The following CALCRL variants were observed in gnomAD, a reference collection of about 807,000 sequenced individuals.
The protein encoded by CALCRL is calcitonin receptor like receptor.
In CALCRL, 27 loss-of-function variants were observed where a neutral mutation model predicts 60.4. The observed-to-expected ratio is 0.45, with a 90% CI of 0.33 to 0.62. CALCRL has a LOEUF of 0.62. Ranked by LOEUF, CALCRL falls within the 20% of genes least tolerant of loss-of-function variation. The pLI, the probability that CALCRL is intolerant of heterozygous loss-of-function variation, is 0.03. For synonymous variants in CALCRL, 190 were observed against 182.6 expected (o/e 1.04, Z -0.33); for missense variants, 424 against 540.7 (o/e 0.78, Z 2.14).
chr2:187,429,223 C>T (rs75893321), intron 1 of CALCRL, among the ~76,000 whole-genome samples: 1 of 151,266 alleles, frequency 6.6e-6, no homozygotes, highest in African/African-American at 2.4e-5. Context: ...AAGTTTTGGT[C>T]AGCTGTATGA....
At chr2:187,432,667 AAC>A (rs1052506166) in intron 1 of CALCRL, among the ~76,000 whole-genome samples, 1 of 152,110 alleles carries the variant, frequency 6.6e-6, no homozygotes, top group African/African-American at 2.4e-5. Context: ...AAAATTAACT[AAC>A]ACATTTTATA....
chr2:187,439,207 G>A (rs1306800280), intron 1 of CALCRL, among the ~76,000 whole-genome samples: 2 of 152,128 alleles, frequency 1.3e-5, no homozygotes, highest in Non-Finnish European at 2.9e-5. Flanking sequence ...GCAAGGTTGG[G>A]TGCAGTGGCT....
rs1686120849 is a variant in CALCRL at position 187,342,322 on chromosome 2, T to A, written c.*3862A>T. Among the ~76,000 whole-genome samples the A allele has an allele frequency of 6.6e-6, 1 of 151,740 alleles. No individual in the cohort carries two copies. Among genetic ancestry groups the A allele is most frequent in the South Asian group, 2.1e-4 (1 of 4,832 alleles). ...CATAAAAATGTAATGAAATTGGTGATGGTAGCGTGTCTCTATGGATGTATT... is the reference window on the plus strand; with the variant it reads ...CATAAAAATGTAATGAAATTGGTGAAGGTAGCGTGTCTCTATGGATGTATT... On this transcript the variant is annotated 3_prime_UTR_variant, in exon 15 of 15. Coordinates refer to ENST00000392370, the MANE Select transcript of CALCRL (RefSeq NM_005795.6).
At chr2:187,351,822 T>C (rs1686545668) in intron 14 of CALCRL, 98 bp downstream of exon 14, 2 of 756,300 alleles carry the variant, frequency 2.6e-6, no homozygotes, top group South Asian at 1.9e-5. Context: ...AACATGGTTG[T>C]TCCTGGGGAA....
intron 1 of CALCRL, among the ~76,000 whole-genome samples, chr2:187,420,967 G>A (rs927407737): frequency 6.6e-5 from 10 of 152,118 alleles, no homozygotes; most frequent in Non-Finnish European, 1.2e-4. Context: ...TTATATCATG[G>A]CTGATTTACA....
Position 187,380,793 on chromosome 2 carries a change from T to C in CALCRL, c.185-6A>G. On this transcript the variant is annotated splice_region_variant and splice_polypyrimidine_tract_variant and intron_variant, in intron 5 of 14. Transcript: ENST00000392370. ...GGTTCTGTTGCAGTAAACGCCTTAG[T>C]GGGGAAATAATAATTGGGGATAATT... 6.2e-7 allele frequency: 1 copy of C among 1,605,020 alleles called. No homozygotes were observed. Among genetic ancestry groups the C allele is most frequent in the Non-Finnish European group, 8.5e-7 (1 of 1,172,178 alleles).
intron 1 of CALCRL, among the ~76,000 whole-genome samples, chr2:187,411,106 CT>C (rs1195485181): frequency 6.6e-6 from 1 of 152,024 alleles, no homozygotes; most frequent in African/African-American, 2.4e-5. Context: ...CAAATTTTCT[CT>C]TTTAAATGGT....
intron 1 of CALCRL, among the ~76,000 whole-genome samples, chr2:187,391,396 A>C (rs1209713670): frequency 6.6e-6 from 1 of 152,118 alleles, no homozygotes; most frequent in African/African-American, 2.4e-5. Flanking sequence ...GTTTCCTTTT[A>C]ATTTTGAGGA....
chr2:187,428,645 G>A (rs1690255587), intron 1 of CALCRL: 1 of 152,258 alleles, frequency 6.6e-6, no homozygotes, highest in South Asian at 2.1e-4. Flanking sequence ...TGTAATCCCA[G>A]CATTTTGGGA....
At chr2:187,388,938 A>C (rs1037378606) in intron 1 of CALCRL, among the ~76,000 whole-genome samples, 1 of 152,150 alleles carries the variant, frequency 6.6e-6, no homozygotes, top group Admixed American at 6.6e-5. Context: ...TTTTTGCTAA[A>C]GAAATAAGAG....
At chr2:187,352,398 G>A (rs1686574186) in intron 12 of CALCRL, 66 bp from the exon 13 acceptor site, 1 of 867,256 alleles carries the variant, frequency 1.2e-6, no homozygotes, top group Non-Finnish European at 1.9e-6. Context: ...CATTATTCAA[G>A]TATCTCCAAT....
chr2:187,412,541 C>T (rs530802053), intron 1 of CALCRL, among the ~76,000 whole-genome samples: 5 of 152,244 alleles, frequency 3.3e-5, no homozygotes, highest in South Asian at 2.1e-4. Context: ...TGGTTTCACA[C>T]GGAAAATCTG....
At chr2:187,368,702 A>G (rs746079312) in intron 8 of CALCRL, among the ~76,000 whole-genome samples, 9 of 152,186 alleles carry the variant, frequency 5.9e-5, no homozygotes, top group Non-Finnish European at 1.2e-4. Flanking sequence ...GAAAGGAGAA[A>G]GTACAAGCAA....
At chr2:187,443,090 T>C (rs958748053) in intron 1 of CALCRL, among the ~76,000 whole-genome samples, 3 of 151,870 alleles carry the variant, frequency 2.0e-5, no homozygotes, top group Non-Finnish European at 4.4e-5. Flanking sequence ...TCAAGTTCTA[T>C]GGAGATAGTA....
intron 1 of CALCRL, among the ~76,000 whole-genome samples, chr2:187,399,274 A>G (rs1010644604): frequency 6.6e-6 from 1 of 151,566 alleles, no homozygotes; most frequent in Non-Finnish European, 1.5e-5. Context: ...ATCCAAATAC[A>G]TCTACGGAGT....
chr2:187,418,520 G>A (rs1459252799), intron 1 of CALCRL, among the ~76,000 whole-genome samples: 2 of 151,982 alleles, frequency 1.3e-5, no homozygotes, highest in Non-Finnish European at 2.9e-5. Flanking sequence ...AACTAATCGT[G>A]TCTTAAATAT....
At chr2:187,393,359 C>T (rs926833754) in intron 1 of CALCRL, among the ~76,000 whole-genome samples, 1 of 152,100 alleles carries the variant, frequency 6.6e-6, no homozygotes, top group African/African-American at 2.4e-5. Context: ...GAAACCTGAA[C>T]ACATTTGTAT....
At chr2:187,372,735 G>T (rs1687588446) in intron 8 of CALCRL, among the ~76,000 whole-genome samples, 1 of 152,154 alleles carries the variant, frequency 6.6e-6, no homozygotes, top group Non-Finnish European at 1.5e-5. Context: ...AAGGAACTGG[G>T]TTAAGAAACA....
At chr2:187,391,667 CT>C (rs1688452477) in intron 1 of CALCRL, among the ~76,000 whole-genome samples, 1 of 151,986 alleles carries the variant, frequency 6.6e-6, no homozygotes, top group Non-Finnish European at 1.5e-5. Flanking sequence ...TGGTTTATTA[CT>C]GGAAATGAGA....
Sources: gnomAD v4.1 joint callset for allele counts (sites outside exome capture counted in the v4.1 genomes callset) on GRCh38, gnomAD v4.1.1 for gene constraint, MANE v1.5 for transcripts, NCBI Gene and HGNC (gene_info 2026-07-23, HGNC 2026-07-21) for gene names.